The following MACROD2 variants were observed in gnomAD, a reference collection of about 807,000 sequenced individuals.
MACROD2 encodes the protein ADP-ribose glycohydrolase MACROD2.
In MACROD2, 36 loss-of-function variants were observed where a neutral mutation model predicts 70.4. The ratio of observed to expected loss-of-function variants is 0.51; its 90% CI spans 0.39 to 0.68. The LOEUF (loss-of-function observed/expected upper bound fraction) is 0.68, where lower values mean the gene tolerates loss of function less well. Among genes scored for constraint, MACROD2 ranks in the 30% least tolerant of loss-of-function variants. The probability of loss-of-function intolerance (pLI) is 0.00; values close to 1 mark genes in which losing one functional copy is unlikely to be tolerated. For synonymous variants in MACROD2, 172 were observed against 178.8 expected (o/e 0.96, Z 0.30); for missense variants, 496 against 538.4 (o/e 0.92, Z 0.78).
chr20:14,928,022 C>T (rs562682143), intron 5 of MACROD2, among the ~76,000 whole-genome samples: 1 of 152,346 alleles, frequency 6.6e-6, no homozygotes, highest in African/African-American at 2.4e-5. Context: ...GGATGATGTG[C>T]TGCATTTCTG....
At chr20:14,249,490 C>T (rs1219632215) in intron 3 of MACROD2, among the ~76,000 whole-genome samples, 1 of 151,854 alleles carries the variant, frequency 6.6e-6, no homozygotes, top group East Asian at 1.9e-4. Flanking sequence ...CTTGGTTCTG[C>T]CTGCATAGTT....
At chr20:15,392,170 T>A (rs2045801706) in intron 6 of MACROD2, among the ~76,000 whole-genome samples, 2 of 152,202 alleles carry the variant, frequency 1.3e-5, no homozygotes, top group Admixed American at 1.3e-4. Flanking sequence ...AAGGTACCAT[T>A]GCAAGAAGAT....
chr20:15,559,013 G>A (rs758961577), intron 8 of MACROD2, among the ~76,000 whole-genome samples: 41 of 152,000 alleles, frequency 2.7e-4, no homozygotes, highest in Non-Finnish European at 5.9e-5. Context: ...CGGATCACGA[G>A]GTCAGGAGAT....
At chr20:15,136,275 C>T (rs1380435555) in intron 5 of MACROD2, among the ~76,000 whole-genome samples, 1 of 145,358 alleles carries the variant, frequency 6.9e-6, no homozygotes, top group African/African-American at 2.6e-5. Flanking sequence ...GCCAAAAGAA[C>T]AAAGCTGGAG....
intron 5 of MACROD2, among the ~76,000 whole-genome samples, chr20:15,141,073 A>C (rs1222861169): frequency 6.6e-6 from 1 of 152,118 alleles, no homozygotes; most frequent in Non-Finnish European, 1.5e-5. Context: ...ATATATCTGC[A>C]TATAGAATTT....
At chr20:15,219,227 G>A (rs1443395893) in intron 5 of MACROD2, among the ~76,000 whole-genome samples, 13 of 152,114 alleles carry the variant, frequency 8.5e-5, no homozygotes, top group Admixed American at 7.9e-4. Context: ...TATTAGATCT[G>A]CACAGTGAGA....
intron 3 of MACROD2, among the ~76,000 whole-genome samples, chr20:14,492,668 T>C (rs930204901): frequency 6.6e-6 from 1 of 152,138 alleles, no homozygotes; most frequent in Non-Finnish European, 1.5e-5. Flanking sequence ...GTAATACTGC[T>C]TGGCTATTTT....
At chr20:15,710,220 C>T (rs1276586327) in intron 8 of MACROD2, among the ~76,000 whole-genome samples, 17 of 143,336 alleles carry the variant, frequency 1.2e-4, no homozygotes, top group Non-Finnish European at 2.1e-4. Flanking sequence ...AAAACAATTG[C>T]GGGTAAGGAT....
At chr20:14,928,602 A>G (rs944528940) in intron 5 of MACROD2, among the ~76,000 whole-genome samples, 2 of 152,174 alleles carry the variant, frequency 1.3e-5, no homozygotes, top group African/African-American at 2.4e-5. Flanking sequence ...TGCCTGCTGG[A>G]CGGGGAATGT....
intron 3 of MACROD2, among the ~76,000 whole-genome samples, chr20:14,382,028 G>A (rs2083424894): frequency 6.8e-6 from 1 of 148,144 alleles, no homozygotes; most frequent in East Asian, 2.0e-4. Context: ...TGCTTTGTTT[G>A]TTTTGGTACC....
chr20:14,244,023 G>A (rs2081949574), intron 3 of MACROD2, among the ~76,000 whole-genome samples: 1 of 152,088 alleles, frequency 6.6e-6, no homozygotes, highest in South Asian at 2.1e-4. Context: ...GTCCTTACTG[G>A]AACATCTAAA....
rs111719158 is a variant in MACROD2 at position 14,302,717 on chromosome 20, G to A, written c.272-190762G>A. On this transcript the variant is annotated intron_variant, in intron 3 of 17. Coordinates refer to ENST00000684519, the MANE Select transcript of MACROD2 (RefSeq NM_001351661.2). ...TGTCACCAGGCTGCAGTGCAGTGGCGCGATCTTGGCTCACTGCAACCTCCG... is the reference window on the plus strand; with the variant it reads ...TGTCACCAGGCTGCAGTGCAGTGGCACGATCTTGGCTCACTGCAACCTCCG... 2.7e-3 allele frequency among the ~76,000 whole-genome samples: 407 copies of A among 151,624 alleles called. 2 individuals are homozygous for A. Among genetic ancestry groups the A allele is most frequent in the African/African-American group, 9.4e-3 (387 of 41,378 alleles).
At chr20:15,937,349 G>A in intron 11 of MACROD2, 127 bp from the exon 12 acceptor site, 1 of 774,176 alleles carries the variant, frequency 1.3e-6, no homozygotes, top group South Asian at 1.5e-5. Context: ...AGCATTCAGT[G>A]TATTCAAGCA....
intron 8 of MACROD2, among the ~76,000 whole-genome samples, chr20:15,689,427 G>T (rs529182169): frequency 6.6e-6 from 1 of 152,232 alleles, no homozygotes; most frequent in East Asian, 1.9e-4. Flanking sequence ...AGATCTGTGG[G>T]GGGAAAAACA....
intron 6 of MACROD2, among the ~76,000 whole-genome samples, chr20:15,387,892 G>T (rs1311542989): frequency 6.6e-6 from 1 of 151,602 alleles, no homozygotes; most frequent in Non-Finnish European, 1.5e-5. Flanking sequence ...ACAGGTGCAT[G>T]CCACCATGTC....
intron 8 of MACROD2, among the ~76,000 whole-genome samples, chr20:15,502,602 A>G (rs2047378340): frequency 6.6e-6 from 1 of 152,192 alleles, no homozygotes; most frequent in South Asian, 2.1e-4. Context: ...AGGAAATGGC[A>G]GACCAATTAA....
chr20:14,999,783 G>T (rs1814408257), intron 5 of MACROD2, among the ~76,000 whole-genome samples: 1 of 152,084 alleles, frequency 6.6e-6, no homozygotes, highest in Admixed American at 6.5e-5. Flanking sequence ...TAAAATAATG[G>T]CTTATTTGCA....
chr20:15,539,194 A>G (rs1016353018), intron 8 of MACROD2, among the ~76,000 whole-genome samples: 4 of 152,182 alleles, frequency 2.6e-5, no homozygotes, highest in African/African-American at 9.7e-5. Context: ...TCAAAATCTC[A>G]AGAGATGTAG....
intron 6 of MACROD2, among the ~76,000 whole-genome samples, chr20:15,342,589 A>G (rs1338950827): frequency 6.6e-6 from 1 of 152,154 alleles, no homozygotes; most frequent in East Asian, 1.9e-4. Flanking sequence ...AATATTTCTA[A>G]TCTTTTATTT....
Sources: gnomAD v4.1 joint callset for allele counts (sites outside exome capture counted in the v4.1 genomes callset) on GRCh38, gnomAD v4.1.1 for gene constraint, MANE v1.5 for transcripts, NCBI Gene and HGNC (gene_info 2026-07-23, HGNC 2026-07-21) for gene names.